SREK1IP1: variants seen among roughly 807,000 people sequenced by gnomAD.
SREK1IP1 encodes the protein protein SREK1IP1.
A neutral mutation model predicts 22.8 loss-of-function variants in SREK1IP1; 12 were observed. The ratio of observed to expected loss-of-function variants is 0.53; its 90% CI spans 0.34 to 0.85. The LOEUF (loss-of-function observed/expected upper bound fraction) is 0.85, where lower values mean the gene tolerates loss of function less well. SREK1IP1 is among the 40% of genes least tolerant of loss of function. SREK1IP1 has a pLI of 0.02. For missense variants in SREK1IP1, 147 were observed against 171.8 expected (o/e 0.86, Z 0.81); for synonymous variants, 53 against 52.7 (o/e 1.01, Z -0.02).
intron 3 of SREK1IP1, among the ~76,000 whole-genome samples, chr5:64,730,253 A>G (rs1268974667): frequency 6.6e-6 from 1 of 152,218 alleles, no homozygotes; most frequent in Non-Finnish European, 1.5e-5. Context: ...AAAAACGCCA[A>G]ATAAATTTGG....
At chr5:64,724,708 A>G in intron 4 of SREK1IP1, 135 bp from the exon 5 acceptor site, 2 of 669,650 alleles carry the variant, frequency 3.0e-6, no homozygotes, top group Non-Finnish European at 2.3e-6. Flanking sequence ...AATGCTTCAT[A>G]TATTTGCATT....
At position 64,762,248 on chromosome 5, in the gene SREK1IP1, C is replaced by T. The variant is rs751244595; in HGVS notation, c.13+6257G>A. Among the ~76,000 whole-genome samples, 97 of 152,196 alleles carry T rather than the reference C, an allele frequency of 6.4e-4. 1 individual carries two copies. Among genetic ancestry groups the T allele is most frequent in the Admixed American group, 2.2e-3 (34 of 15,284 alleles). On this transcript the variant is annotated intron_variant, in intron 1 of 4. Transcript: ENST00000513458. ...ATTTAAACATATACAGCTTAAGTAACTAAGTTTTTTAGTACTAAGTAATTA... is the reference window on the plus strand; with the variant it reads ...ATTTAAACATATACAGCTTAAGTAATTAAGTTTTTTAGTACTAAGTAATTA...
At chr5:64,750,470 C>T (rs145132497) in intron 2 of SREK1IP1, among the ~76,000 whole-genome samples, 1 of 152,142 alleles carries the variant, frequency 6.6e-6, no homozygotes, top group Non-Finnish European at 1.5e-5. Context: ...TGGGTTGTTA[C>T]CCACCACTCC....
chr5:64,727,228 T>C (rs966705626), intron 4 of SREK1IP1, among the ~76,000 whole-genome samples: 1 of 151,958 alleles, frequency 6.6e-6, no homozygotes, highest in African/African-American at 2.4e-5. Flanking sequence ...CTAGAAATAA[T>C]TATGGTTAAG....
chr5:64,726,702 G>A (rs58320853), intron 4 of SREK1IP1, among the ~76,000 whole-genome samples: 2 of 151,892 alleles, frequency 1.3e-5, no homozygotes, highest in East Asian at 1.9e-4. Flanking sequence ...ATAGCTTAAC[G>A]TGGCTGCCCT....
intron 2 of SREK1IP1, among the ~76,000 whole-genome samples, chr5:64,753,175 A>G (rs931823296): frequency 1.3e-5 from 2 of 152,226 alleles, no homozygotes; most frequent in Non-Finnish European, 2.9e-5. Context: ...AAGTCCAAGT[A>G]TAGAGACTGA....
intron 3 of SREK1IP1, among the ~76,000 whole-genome samples, chr5:64,736,155 T>C (rs1244778757): frequency 1.3e-5 from 2 of 152,220 alleles, no homozygotes; most frequent in African/African-American, 2.4e-5. Context: ...TTTGGGCATT[T>C]TCTAAGTAGC....
chr5:64,752,612 A>G (rs1188904159), intron 2 of SREK1IP1, among the ~76,000 whole-genome samples: 1 of 152,342 alleles, frequency 6.6e-6, no homozygotes, highest in East Asian at 1.9e-4. Context: ...TCAAGTATTG[A>G]AATTCTTTAA....
intron 2 of SREK1IP1, among the ~76,000 whole-genome samples, chr5:64,748,469 A>C (rs1444305680): frequency 6.6e-6 from 1 of 152,186 alleles, no homozygotes; most frequent in Non-Finnish European, 1.5e-5. Flanking sequence ...AATGGTTATA[A>C]TGGCAAATTT....
At chr5:64,748,252 C>A (rs1305748551) in intron 2 of SREK1IP1, among the ~76,000 whole-genome samples, 1 of 151,964 alleles carries the variant, frequency 6.6e-6, no homozygotes, top group Non-Finnish European at 1.5e-5. Context: ...CACAAAAGGA[C>A]AAATATGTAT....
At chr5:64,761,207 C>T (rs1006127915) in intron 1 of SREK1IP1, among the ~76,000 whole-genome samples, 5 of 152,068 alleles carry the variant, frequency 3.3e-5, no homozygotes, top group Admixed American at 2.6e-4. Flanking sequence ...TGGGAGGAAT[C>T]AGGTAATTGG....
intron 1 of SREK1IP1, chr5:64,754,590 AGCAGC>A: frequency 2.3e-6 from 1 of 442,082 alleles, no homozygotes; most frequent in Non-Finnish European, 4.2e-6. Flanking sequence ...TAGCCTCCCA[AGCAGC>A]TGAGACTACA....
Position 64,768,507 on chromosome 5 carries a change from G to A in SREK1IP1, c.11C>T (p.Pro4Leu). Residue 4 changes from proline (P) to leucine (L), a missense_variant and splice_region_variant, in exon 1 of 5, where the codon CCA becomes CTA. Physicochemically the swap from Pro to Leu is moderately conservative, Grantham distance 98. Transcript: ENST00000513458. ...GAGGCCCTGTAATTGCTCCTTACCT[G>A]GGACTGCCATGACGGTGGTAAGAGG... MAVPGCNKDSVRAG... is the reference protein window; with the variant it reads MAVLGCNKDSVRAG... 3.7e-6 allele frequency: 6 copies of A among 1,614,144 alleles called. No individual in the cohort carries two copies. Among genetic ancestry groups the A allele is most frequent in the Non-Finnish European group, 5.1e-6 (6 of 1,180,026 alleles).
rs182754761 is a variant in SREK1IP1, at chr5:64,736,037, C to T, written c.205+5020G>A. The stretch of plus-strand genomic sequence containing the variant: ...CTCTAAGTACTTCTTTGGAGGCATA[C>T]CACAAATGTGTTTTTATTTTCATTC... On this transcript the variant is annotated intron_variant, in intron 3 of 4. Transcript: ENST00000513458. Among the ~76,000 whole-genome samples the T allele has an allele frequency of 3.5e-3, 529 of 152,186 alleles. 17 individuals carry two copies. The highest frequency in any genetic ancestry group is 0.032 in the Admixed American group (494 of 15,278).
chr5:64,727,551 A>ATTTTTTTTTTTTTT (rs1298889800), intron 4 of SREK1IP1: 1 of 98,584 alleles, frequency 1.0e-5, no homozygotes, highest in African/African-American at 5.5e-5. Context: ...ATATATATAT[A>ATTTTTTTTTTTTTT]TATTTTTTTT....
chr5:64,735,856 C>T (rs1211607282), intron 3 of SREK1IP1, among the ~76,000 whole-genome samples: 1 of 151,956 alleles, frequency 6.6e-6, no homozygotes, highest in African/African-American at 2.4e-5. Context: ...TTTTCCATTT[C>T]ATTGATTCAC....
chr5:64,755,099 T>C (rs1362813445), intron 1 of SREK1IP1, among the ~76,000 whole-genome samples: 2 of 152,042 alleles, frequency 1.3e-5, no homozygotes, highest in Middle Eastern at 3.2e-3. Context: ...GTAATGCTTA[T>C]AGACTGTTGG....
intron 1 of SREK1IP1, among the ~76,000 whole-genome samples, chr5:64,760,455 T>C (rs1429711485): frequency 1.3e-5 from 2 of 152,138 alleles, no homozygotes; most frequent in Non-Finnish European, 2.9e-5. Flanking sequence ...CCTCATACAA[T>C]GGGCCCCAGT....
At chr5:64,767,660 T>G (rs776580808) in intron 1 of SREK1IP1, among the ~76,000 whole-genome samples, 9 of 152,250 alleles carry the variant, frequency 5.9e-5, no homozygotes, top group Non-Finnish European at 1.0e-4. Flanking sequence ...TAGTTCATAG[T>G]AATTCTATAG....
Sources: allele counts gnomAD v4.1 joint callset (sites outside exome capture counted in the v4.1 genomes callset), GRCh38; gene constraint gnomAD v4.1.1; transcripts MANE v1.5; gene names NCBI Gene and HGNC (gene_info 2026-07-23, HGNC 2026-07-21).